Variants in XPO6 observed in about 807,000 individuals in gnomAD.
XPO6 encodes exportin 6.
In XPO6, 3 loss-of-function variants were observed where a neutral mutation model predicts 130.0. The observed-to-expected ratio is 0.02, with a 90% CI of 0.01 to 0.06. The LOEUF is 0.06. Ranked by LOEUF, XPO6 falls within the 10% of genes least tolerant of loss-of-function variation. XPO6 has a pLI of 1.00. For missense variants in XPO6, 970 were observed against 1,393.0 expected (o/e 0.70, Z 4.83); for synonymous variants, 524 against 548.9 (o/e 0.95, Z 0.63).
At chr16:28,154,126 T>C in intron 7 of XPO6, 1 of 985,300 alleles carries the variant, frequency 1.0e-6, no homozygotes, top group Non-Finnish European at 1.2e-6. Context: ...CATCAATCAC[T>C]AATACTCAAG....
intron 12 of XPO6, among the ~76,000 whole-genome samples, chr16:28,130,073 G>A (rs1158796754): frequency 6.6e-6 from 1 of 152,244 alleles, no homozygotes; most frequent in Non-Finnish European, 1.5e-5. Context: ...GCTGTGCCTT[G>A]GTCTTGACAG....
At position 28,106,023 on chromosome 16, in the gene XPO6, G is replaced by A. The variant is rs764052986; in HGVS notation, c.2784+20C>T. 1 of 1,608,446 alleles carries A rather than the reference G, an allele frequency of 6.2e-7. No individual in the cohort carries two copies. The highest frequency in any genetic ancestry group is 1.1e-5 in the South Asian group (1 of 91,010). On this transcript the variant is annotated intron_variant, in intron 20 of 23. Coordinates refer to ENST00000304658, the MANE Select transcript of XPO6 (RefSeq NM_015171.4). This position sits in a 1 kb window ranked among gnomAD's most constrained non-coding sequence, Gnocchi z 4.2. ...TCTGGAGATGGGGGGTGCTGCACAG[G>A]GGACCGTCTGAGCCCCTACCTCGGC...
chr16:28,210,674 AT>A (rs1277545256), intron 1 of XPO6, among the ~76,000 whole-genome samples: 11 of 152,208 alleles, frequency 7.2e-5, no homozygotes, highest in African/African-American at 2.7e-4. Flanking sequence ...TTAGGGGAGT[AT>A]TGAAAGTATC....
intron 7 of XPO6, chr16:28,153,469 C>T: frequency 1.0e-6 from 1 of 985,282 alleles, no homozygotes; most frequent in Non-Finnish European, 1.2e-6. Flanking sequence ...CAGAACAGGA[C>T]TATCATCCAC....
chr16:28,172,921 T>C (rs552685559), intron 4 of XPO6: 2 of 152,310 alleles, frequency 1.3e-5, no homozygotes, highest in Admixed American at 1.3e-4. Context: ...ATGAGTTCTG[T>C]ATCCAAGGGT....
chr16:28,113,066 G>A lies in XPO6; in HGVS notation c.2005-16C>T. ...TGTCTTGGACCTGCAGAGGGAAGAG[G>A]GCACGTCAGCTCACCACATCCCTGT... On this transcript the variant is annotated splice_polypyrimidine_tract_variant and intron_variant, in intron 15 of 23. Transcript: ENST00000304658. 6.2e-7 allele frequency: 1 copy of A among 1,610,866 alleles called. No individual in the cohort carries two copies.
intron 12 of XPO6, among the ~76,000 whole-genome samples, chr16:28,127,185 A>G (rs772883517): frequency 9.9e-5 from 15 of 152,020 alleles, no homozygotes; most frequent in Non-Finnish European, 2.1e-4. Context: ...ATCCAGATCC[A>G]CTGGTAATTC....
intron 1 of XPO6, among the ~76,000 whole-genome samples, chr16:28,209,640 C>CAAAAAAAAA (rs200663753): frequency 2.3e-5 from 1 of 43,012 alleles, no homozygotes; most frequent in Non-Finnish European, 5.2e-5. Context: ...AACTCCATCT[C>CAAAAAAAAA]AAAAAAAAAA....
In XPO6 at chr16:28,101,536, G is replaced by A. The variant is rs2086655978; in HGVS notation, c.3198C>T (p.Leu1066=). The A allele has an allele frequency of 1.2e-6, 2 of 1,614,244 alleles. No homozygotes were observed. The highest frequency in any genetic ancestry group is 2.2e-5 in the South Asian group (2 of 91,090). The change falls in exon 23 of 24, where the codon CTC becomes CTT. Residue 1066 remains leucine, a synonymous_variant. Transcript: ENST00000304658. This position sits in a 1 kb window ranked among gnomAD's most constrained non-coding sequence, Gnocchi z 5.4. ...VDFDGFFAAF[L]PEFLTSCDGV... is the part of the protein sequence containing the mutation. ...CATCACAGCTGGTCAGGAACTCTGG[G>A]AGGAAGGCGGCAAAGAAGCCATCAA...
At chr16:28,195,260 T>C (rs2043840983) in intron 1 of XPO6, among the ~76,000 whole-genome samples, 1 of 152,170 alleles carries the variant, frequency 6.6e-6, no homozygotes, top group Non-Finnish European at 1.5e-5. Context: ...GTAAAGGATC[T>C]TCATGTCAAT....
intron 1 of XPO6, among the ~76,000 whole-genome samples, chr16:28,201,035 C>T (rs995841361): frequency 3.9e-5 from 6 of 152,070 alleles, no homozygotes; most frequent in African/African-American, 1.4e-4. Context: ...TCCACAAAGA[C>T]CTCACCTCAC....
intron 4 of XPO6, among the ~76,000 whole-genome samples, chr16:28,170,729 T>A (rs1332290477): frequency 6.6e-6 from 1 of 152,226 alleles, no homozygotes; most frequent in Non-Finnish European, 1.5e-5. Context: ...GTCATTAAAC[T>A]AAGATTAGTT....
chr16:28,117,278 G>C (rs2141257600), intron 15 of XPO6, 40 bp downstream of exon 15: 1 of 1,609,854 alleles, frequency 6.2e-7, no homozygotes, highest in Non-Finnish European at 8.5e-7. Context: ...AGGAGAGACA[G>C]AGAGTTAGAT....
chr16:28,159,556 T>G (rs575949438), intron 6 of XPO6, among the ~76,000 whole-genome samples: 42 of 152,038 alleles, frequency 2.8e-4, no homozygotes, highest in Non-Finnish European at 4.7e-4. Flanking sequence ...GATAAAGAGA[T>G]AAATCAAAAT....
chr16:28,199,369 G>A (rs534102313), intron 1 of XPO6, among the ~76,000 whole-genome samples: 1 of 152,158 alleles, frequency 6.6e-6, no homozygotes, highest in South Asian at 2.1e-4. Context: ...CCACCTCCCG[G>A]GTTCAAGCAA....
chr16:28,119,548 TCA>T (rs2087172370), intron 14 of XPO6, among the ~76,000 whole-genome samples: 1 of 152,048 alleles, frequency 6.6e-6, no homozygotes, highest in African/African-American at 2.4e-5. Context: ...TCAGTCACTC[TCA>T]CACACACACG....
chr16:28,208,018 T>TAATG (rs61590290), intron 1 of XPO6, among the ~76,000 whole-genome samples: 9 of 148,186 alleles, frequency 6.1e-5, no homozygotes, highest in Admixed American at 4.7e-4. Flanking sequence ...TAGCTGGGCG[T>TAATG]GCCTGTAATC....
chr16:28,191,595 T>C (rs549097503), intron 1 of XPO6, among the ~76,000 whole-genome samples: 1 of 152,290 alleles, frequency 6.6e-6, no homozygotes, highest in South Asian at 2.1e-4. Flanking sequence ...AAAATGAAGC[T>C]GAGAGAGAGC....
intron 10 of XPO6, 109 bp from the exon 11 acceptor site, chr16:28,134,042 A>G: frequency 9.1e-7 from 1 of 1,098,818 alleles, no homozygotes; most frequent in Non-Finnish European, 1.3e-6. Context: ...AAAATGATGG[A>G]ACCAGGTTAT....
Sources: gnomAD v4.1 joint callset for allele counts (sites outside exome capture counted in the v4.1 genomes callset) on GRCh38, gnomAD v4.1.1 for gene constraint, Gnocchi (gnomAD v3.1) non-coding constraint, MANE v1.5 for transcripts, NCBI Gene and HGNC (gene_info 2026-07-23, HGNC 2026-07-21) for gene names.